RFC3: variants seen among roughly 807,000 people sequenced by gnomAD.
RFC3 encodes A1 38 kDa subunit.
In RFC3, 41 loss-of-function variants were observed where a neutral mutation model predicts 45.1. The ratio of observed to expected loss-of-function variants is 0.91; its 90% CI spans 0.71 to 1.18. The LOEUF (loss-of-function observed/expected upper bound fraction) is 1.18, where lower values mean the gene tolerates loss of function less well. Among genes scored for constraint, RFC3 ranks in the 50% most tolerant of loss-of-function variants. RFC3 has a pLI of 0.00. For synonymous variants in RFC3, 149 were observed against 144.0 expected (o/e 1.03, Z -0.25); for missense variants, 423 against 428.1 (o/e 0.99, Z 0.10).
At chr13:33,830,879 T>G in intron 6 of RFC3, 24 bp downstream of exon 6, 1 of 1,589,866 alleles carries the variant, frequency 6.3e-7, no homozygotes, top group Non-Finnish European at 8.6e-7. Flanking sequence ...GTAGTTACAT[T>G]CTAGGACTTT....
chr13:33,900,529 A>C (rs1274770583), intron 8 of RFC3, among the ~76,000 whole-genome samples: 2 of 146,208 alleles, frequency 1.4e-5, no homozygotes, highest in Non-Finnish European at 3.0e-5. Flanking sequence ...ATATAGAAAA[A>C]AAAACGTATT....
the RFC3 span, among the ~76,000 whole-genome samples, chr13:33,972,054 G>A: frequency 6.6e-6 from 1 of 152,178 alleles, no homozygotes; most frequent in Admixed American, 6.5e-5. Context: ...AATGGAGGTT[G>A]GCAGTGAGCC....
chr13:33,893,566 T>G (rs1024551182), intron 8 of RFC3, among the ~76,000 whole-genome samples: 1 of 152,064 alleles, frequency 6.6e-6, no homozygotes, highest in Non-Finnish European at 1.5e-5. Flanking sequence ...AGGCAATATG[T>G]GAGCTCTCTG....
At chr13:33,969,261 C>A (rs753840731), downstream of RFC3, among the ~76,000 whole-genome samples, 5 of 152,210 alleles carry the variant, frequency 3.3e-5, no homozygotes, top group Non-Finnish European at 5.9e-5. Context: ...CAAGCCTCAG[C>A]ACCTCAAAGC....
At chr13:33,850,378 TAATAA>T (rs2082268742) in intron 8 of RFC3, 1 of 152,132 alleles carries the variant, frequency 6.6e-6, no homozygotes, top group South Asian at 2.1e-4. Flanking sequence ...TTTTAATTTA[TAATAA>T]AATGTATCTA....
chr13:33,963,201 G>A (rs1192255080), intron 8 of RFC3, among the ~76,000 whole-genome samples: 1 of 151,826 alleles, frequency 6.6e-6, no homozygotes, highest in Non-Finnish European at 1.5e-5. Flanking sequence ...TTGACATAAA[G>A]TTTGCAACAG....
At chr13:33,855,073 A>G (rs892570067) in intron 8 of RFC3, among the ~76,000 whole-genome samples, 7 of 152,290 alleles carry the variant, frequency 4.6e-5, no homozygotes, top group African/African-American at 1.7e-4. Flanking sequence ...ACTTCCCTAA[A>G]AGGGATGGTA....
intron 8 of RFC3, among the ~76,000 whole-genome samples, chr13:33,886,609 C>A (rs1043827684): frequency 7.3e-5 from 11 of 150,054 alleles, no homozygotes; most frequent in Non-Finnish European, 8.9e-5. Flanking sequence ...TGTTTTCTTG[C>A]ATCTGAAAGC....
intron 8 of RFC3, chr13:33,846,199 G>C (rs1487994088): frequency 6.6e-6 from 1 of 152,158 alleles, no homozygotes; most frequent in Non-Finnish European, 1.5e-5. Context: ...ACTACCACTG[G>C]GACTGTGCTA....
At chr13:33,891,977 G>GA (rs577095358) in intron 8 of RFC3, among the ~76,000 whole-genome samples, 13 of 150,826 alleles carry the variant, frequency 8.6e-5, no homozygotes, top group East Asian at 3.9e-4. Flanking sequence ...ATTCAACCAG[G>GA]AAAAAAAACA....
chr13:33,923,634 A>G (rs1477474553), intron 8 of RFC3, among the ~76,000 whole-genome samples: 1 of 152,140 alleles, frequency 6.6e-6, no homozygotes, highest in Non-Finnish European at 1.5e-5. Context: ...CTCAAATTAT[A>G]GATGGGGTTG....
chr13:33,965,272 A>C (rs2083080483), intron 8 of RFC3, among the ~76,000 whole-genome samples: 1 of 152,168 alleles, frequency 6.6e-6, no homozygotes, highest in African/African-American at 2.4e-5. Flanking sequence ...GATAAAAATA[A>C]TACAGTCATG....
At chr13:33,859,034 G>C (rs1027318900) in intron 8 of RFC3, among the ~76,000 whole-genome samples, 1 of 152,180 alleles carries the variant, frequency 6.6e-6, no homozygotes, top group Non-Finnish European at 1.5e-5. Context: ...GACTTTGGAT[G>C]AACTGTGTTG....
Position 33,836,257 on chromosome 13 carries a change from A to G in RFC3, c.1033A>G (p.Lys345Glu), listed in dbSNP as rs1222694182. 1.9e-6 allele frequency: 3 copies of G among 1,613,236 alleles called. No homozygotes were observed. The highest frequency in any genetic ancestry group is 1.7e-6 in the Non-Finnish European group (2 of 1,179,432). Reference sequence around the variant, plus strand: ...GGCCAAATTCATGGCACTTTATAAGAAGTTCATGGAGGATGGATTGGAAGG... The same window carrying G: ...GGCCAAATTCATGGCACTTTATAAGGAGTTCATGGAGGATGGATTGGAAGG... Reference protein sequence around the residue: ...FVAKFMALYKKFMEDGLEGMM... With the variant: ...FVAKFMALYKEFMEDGLEGMM... Residue 345 changes from lysine (K) to glutamate (E), a missense_variant, in exon 9 of 9, where the codon AAG (lysine) becomes GAG (glutamate). Transcript: ENST00000380071.
chr13:33,927,096 C>T (rs2082818701), intron 8 of RFC3, among the ~76,000 whole-genome samples: 1 of 151,894 alleles, frequency 6.6e-6, no homozygotes, highest in Non-Finnish European at 1.5e-5. Context: ...AAATCTCACC[C>T]AATCCTTGAC....
intron 8 of RFC3, among the ~76,000 whole-genome samples, chr13:33,903,125 G>T (rs191384937): frequency 7.4e-4 from 113 of 151,968 alleles, no homozygotes; most frequent in African/African-American, 2.6e-3. Context: ...TCCAACCCCT[G>T]CCAAGCTCTT....
chr13:33,934,085 T>G (rs9570614), intron 8 of RFC3, among the ~76,000 whole-genome samples: 1 of 151,634 alleles, frequency 6.6e-6, no homozygotes, highest in East Asian at 1.9e-4. Context: ...AAAGAGCATG[T>G]AGGAGGATGG....
At chr13:33,834,154 CTT>C (rs928230441) in intron 7 of RFC3, among the ~76,000 whole-genome samples, 2 of 142,676 alleles carry the variant, frequency 1.4e-5, no homozygotes, top group African/African-American at 5.1e-5. Context: ...AATGCTAGTT[CTT>C]TTTTTTTTTC....
intron 2 of RFC3, among the ~76,000 whole-genome samples, chr13:33,823,132 G>A (rs908334567): frequency 2.0e-5 from 3 of 152,150 alleles, no homozygotes; most frequent in Non-Finnish European, 2.9e-5. Flanking sequence ...TGAAAGGCAT[G>A]ATAAAACCTA....
Sources: gnomAD v4.1 joint callset for allele counts (sites outside exome capture counted in the v4.1 genomes callset) on GRCh38, gnomAD v4.1.1 for gene constraint, MANE v1.5 for transcripts, NCBI Gene and HGNC (gene_info 2026-07-23, HGNC 2026-07-21) for gene names.